Variants in BBX observed in about 807,000 individuals in gnomAD.
BBX encodes the protein BBX high mobility group box domain containing.
In BBX, 30 loss-of-function variants were observed where a neutral mutation model predicts 100.2. The observed-to-expected ratio is 0.30, with a 90% CI of 0.22 to 0.41. BBX has a LOEUF of 0.41. Ranked by LOEUF, BBX falls within the 10% of genes least tolerant of loss-of-function variation. The pLI is 1.00. For missense variants in BBX, 1,023 were observed against 1,129.8 expected (o/e 0.91, Z 1.35); for synonymous variants, 376 against 388.1 (o/e 0.97, Z 0.37).
At chr3:107,710,843 G>C (rs555855183) in intron 4 of BBX, among the ~76,000 whole-genome samples, 1 of 152,098 alleles carries the variant, frequency 6.6e-6, no homozygotes, top group South Asian at 2.1e-4. Context: ...TTTTAAATAC[G>C]ATTTTTGTCA....
At chr3:107,613,757 G>A (rs976133079) in intron 2 of BBX, among the ~76,000 whole-genome samples, 5 of 151,950 alleles carry the variant, frequency 3.3e-5, no homozygotes, top group Admixed American at 3.3e-4. Context: ...TTATTATTCA[G>A]AGATTGCTTA....
chr3:107,773,149 G>A lies in BBX; in HGVS notation c.1428G>A (p.Arg476=). Residue 476 remains arginine (R), a synonymous_variant, in exon 11 of 18, where the codon AGG becomes AGA. Transcript: ENST00000325805. This position sits in a 1 kb window ranked among gnomAD's most constrained non-coding sequence, Gnocchi z 4.1. ...KSTPKKTCKK[R]QSSESDIESV... is the part of the protein sequence containing the mutation. Reference sequence around the variant, plus strand: ...CACCCAAGAAGACTTGCAAAAAGAGGCAGTCTTCGGAATCTGACATTGAGA... The same window carrying A: ...CACCCAAGAAGACTTGCAAAAAGAGACAGTCTTCGGAATCTGACATTGAGA... 2 of 1,614,088 alleles carry A rather than the reference G, an allele frequency of 1.2e-6. No homozygotes were observed. The highest frequency in any genetic ancestry group is 1.1e-5 in the South Asian group (1 of 91,068).
At chr3:107,730,681 C>T (rs999197249) in intron 6 of BBX, among the ~76,000 whole-genome samples, 1 of 152,074 alleles carries the variant, frequency 6.6e-6, no homozygotes, top group Middle Eastern at 3.2e-3. Flanking sequence ...TATTTAAGAT[C>T]AGTGTTCTCA....
chr3:107,615,241 A>G (rs1276004394), intron 2 of BBX, among the ~76,000 whole-genome samples: 2 of 152,206 alleles, frequency 1.3e-5, no homozygotes, highest in Non-Finnish European at 2.9e-5. Flanking sequence ...ATTTACTAGT[A>G]TATATGAGAA....
chr3:107,605,633 G>A (rs1459574296), intron 2 of BBX, among the ~76,000 whole-genome samples: 2 of 152,116 alleles, frequency 1.3e-5, no homozygotes, highest in East Asian at 3.9e-4. Context: ...CACACACACA[G>A]TTGATGGTAG....
intron 3 of BBX, among the ~76,000 whole-genome samples, chr3:107,665,015 A>G (rs993888799): frequency 3.3e-5 from 5 of 151,968 alleles, no homozygotes; most frequent in Admixed American, 2.6e-4. Flanking sequence ...AGTTCCTCCT[A>G]ATCTCGTAAT....
At chr3:107,643,281 T>C (rs1453980181) in intron 2 of BBX, among the ~76,000 whole-genome samples, 2 of 152,132 alleles carry the variant, frequency 1.3e-5, no homozygotes, top group Non-Finnish European at 2.9e-5. Context: ...ATCTGTAAGA[T>C]AGGTTTTTCA....
intron 4 of BBX, among the ~76,000 whole-genome samples, chr3:107,712,788 C>CT (rs2061813477): frequency 6.6e-6 from 1 of 152,190 alleles, no homozygotes; most frequent in African/African-American, 2.4e-5. Flanking sequence ...GGCAGGGACT[C>CT]TGTGTGCTCA....
intron 2 of BBX, among the ~76,000 whole-genome samples, chr3:107,566,156 CAA>C (rs1483268320): frequency 1.7e-5 from 2 of 116,106 alleles, no homozygotes; most frequent in African/African-American, 6.9e-5. Flanking sequence ...GTCTGGGCAA[CAA>C]GAGCGAAACT....
intron 3 of BBX, among the ~76,000 whole-genome samples, chr3:107,648,949 T>C (rs1351236111): frequency 6.6e-6 from 1 of 152,236 alleles, no homozygotes; most frequent in African/African-American, 2.4e-5. Flanking sequence ...TCTGTTCTTA[T>C]GCTGCTAATA....
At chr3:107,776,146 C>A (rs944896369) in intron 12 of BBX, 3 of 152,146 alleles carry the variant, frequency 2.0e-5, no homozygotes, top group Non-Finnish European at 4.4e-5. Flanking sequence ...CCTTGTGGGT[C>A]TGCTCACTGA....
intron 2 of BBX, among the ~76,000 whole-genome samples, chr3:107,538,860 G>A (rs1449831809): frequency 6.6e-6 from 1 of 151,892 alleles, no homozygotes; most frequent in African/African-American, 2.4e-5. Context: ...TCATAGCCCA[G>A]TGTAGCCTCA....
At position 107,797,364 on chromosome 3, in the gene BBX, A is replaced by ATATATG. The variant is rs71113691; in HGVS notation, c.2354-1159_2354-1158insTATATG. 3.0e-4 allele frequency among the ~76,000 whole-genome samples: 33 copies of ATATATG among 109,840 alleles called. 3 individuals carry two copies. Among genetic ancestry groups the ATATATG allele is most frequent in the Non-Finnish European group, 4.1e-4 (22 of 53,188 alleles). 72.1% of individuals were successfully genotyped at this position (109,840 alleles called of 152,430 possible). On this transcript the variant is annotated intron_variant, in intron 15 of 17. Transcript: ENST00000325805. Reference sequence around the variant, plus strand: ...TATATATATATATATATATATATATAGCTTTATTGCCAATATCTACCTTCA... The same window carrying ATATATG: ...TATATATATATATATATATATATATATATATGGCTTTATTGCCAATATCTACCTTCA...
At chr3:107,654,926 T>C (rs1371018268) in intron 3 of BBX, among the ~76,000 whole-genome samples, 1 of 152,222 alleles carries the variant, frequency 6.6e-6, no homozygotes, top group Non-Finnish European at 1.5e-5. Context: ...TAAGGAAATG[T>C]GTTCTTAAAA....
intron 3 of BBX, chr3:107,661,853 C>A (rs1236546404): frequency 2.0e-6 from 2 of 985,284 alleles, no homozygotes; most frequent in African/African-American, 3.5e-5. Context: ...CCCCAAGCCT[C>A]TAGCAGTACC....
In BBX at chr3:107,687,156, A is replaced by G. The variant is rs147336800; in HGVS notation, c.-9-23296A>G. Among the ~76,000 whole-genome samples the G allele has an allele frequency of 3.8e-3, 575 of 152,294 alleles. 5 individuals carry two copies. In the South Asian group the frequency reaches 0.041, roughly 11 times the overall value. ...GAAATGTTTAAAATGTCAGAAGTTAAAAAACAACTTAGTGACGGCTTACAA... is the reference window on the plus strand; with the variant it reads ...GAAATGTTTAAAATGTCAGAAGTTAGAAAACAACTTAGTGACGGCTTACAA... On this transcript the variant is annotated intron_variant, in intron 3 of 17. Transcript: ENST00000325805.
intron 3 of BBX, among the ~76,000 whole-genome samples, chr3:107,652,011 C>G (rs1027853792): frequency 6.6e-6 from 1 of 152,152 alleles, no homozygotes; most frequent in Non-Finnish European, 1.5e-5. Context: ...GAATTCTCTC[C>G]CTTGGACACC....
chr3:107,744,480 A>G (rs2064400083), intron 7 of BBX, 150 bp from the exon 8 acceptor site: 1 of 596,696 alleles, frequency 1.7e-6, no homozygotes, highest in Non-Finnish European at 2.9e-6. Flanking sequence ...AAAAGAGGAA[A>G]TGTATATCCT....
chr3:107,619,342 T>C (rs1439313422), intron 2 of BBX, among the ~76,000 whole-genome samples: 1 of 152,136 alleles, frequency 6.6e-6, no homozygotes, highest in Non-Finnish European at 1.5e-5. Context: ...AGTCTGACTT[T>C]TAATTGGTGC....
Sources: gnomAD v4.1 joint callset for allele counts (sites outside exome capture counted in the v4.1 genomes callset) on GRCh38, gnomAD v4.1.1 for gene constraint, Gnocchi (gnomAD v3.1) non-coding constraint, MANE v1.5 for transcripts, NCBI Gene and HGNC (gene_info 2026-07-23, HGNC 2026-07-21) for gene names.